The following SKIL variants were observed in gnomAD, a reference collection of about 807,000 sequenced individuals.
SKIL encodes the protein SKI like proto-oncogene.
Under a neutral mutation model 69.6 loss-of-function variants are expected in SKIL, and 20 were observed. The observed-to-expected ratio is 0.29, with a 90% confidence interval of 0.20 to 0.42. The LOEUF (loss-of-function observed/expected upper bound fraction) is 0.42. Among genes scored for constraint, SKIL ranks in the 10% least tolerant of loss-of-function variants. SKIL has a pLI of 1.00. For synonymous variants in SKIL, 310 were observed against 279.9 expected, an observed-to-expected ratio of 1.11 and a Z score of -1.08; for missense variants, 745 against 783.1, an observed-to-expected ratio of 0.95 and a Z score of 0.58.
chr3:170,367,232 CT>C (rs979529949), intron 2 of SKIL, among the ~76,000 whole-genome samples: 4 of 152,000 alleles, frequency 2.6e-5, no homozygotes. Context: ...CCTCAGCCCC[CT>C]GAGTAGCTGG....
chr3:170,370,439 G>GCC (rs34185518), intron 2 of SKIL, among the ~76,000 whole-genome samples: 1 of 11,198 alleles, frequency 8.9e-5, no homozygotes, highest in Non-Finnish European at 1.7e-4. Flanking sequence ...GAGAGAGAGA[G>GCC]CCCCCCCCCC....
chr3:170,380,408 T>C (rs988352228), intron 2 of SKIL, among the ~76,000 whole-genome samples: 1 of 152,108 alleles, frequency 6.6e-6, no homozygotes, highest in Admixed American at 6.5e-5. Context: ...TTTGGGAGGC[T>C]GAGGAGCAGG....
At chr3:170,378,553 CTTT>C (rs373084445) in intron 2 of SKIL, among the ~76,000 whole-genome samples, 2,023 of 119,000 alleles carry the variant, frequency 0.017, 46 homozygotes, top group Non-Finnish European at 0.025. Context: ...CTCTCTCTCT[CTTT>C]TTTTTTTTTT....
Position 170,360,567 on chromosome 3 carries a change from CTT to C in SKIL, c.238_239del (p.Leu80AlafsTer17), listed in dbSNP as rs754186981. 1 of 1,614,242 alleles carries C rather than the reference CTT, an allele frequency of 6.2e-7. No homozygotes were observed. Among genetic ancestry groups the C allele is most frequent in the Non-Finnish European group, 8.5e-7 (1 of 1,180,052 alleles). On this transcript the variant is annotated frameshift_variant, in exon 2 of 7. Transcript: ENST00000259119. LOFTEE classifies it high-confidence loss of function. ...CGAACCTGTACTTCTGTTCCTGAAA[CTT>C]TGCATTTAAATCCCAGTTTGAAACA...
rs1430223130 is a variant in SKIL at position 170,392,870 on chromosome 3, T to C, written c.*453T>C. On this transcript the variant is annotated 3_prime_UTR_variant, in exon 7 of 7. Transcript: ENST00000259119. ...ATCTCCCCTTTTCTCATTAACACAA[T>C]TTTTCTAAGTTGATATGGTGTACTC... The C allele has an allele frequency of 6.6e-6, 1 of 152,492 alleles. No individual in the cohort carries two copies. Among genetic ancestry groups the C allele is most frequent in the Non-Finnish European group, 1.5e-5 (1 of 68,272 alleles). 9.4% of individuals were successfully genotyped at this position (152,492 alleles called of 1,614,324 possible). A position where few individuals can be genotyped will look rare whatever the true frequency, so the allele number is the denominator to read the frequency against.
chr3:170,360,208 C>A lies in SKIL; in HGVS notation c.-124C>A. ...AATTTATTAATTTAAGGGGCTCTCG[C>A]TTTGAAAGTTTGAGAGTAAGTTACG... On this transcript the variant is annotated 5_prime_UTR_variant, in exon 2 of 7. Coordinates refer to ENST00000259119, the MANE Select transcript of SKIL (RefSeq NM_005414.5). The A allele has an allele frequency of 1.0e-6, 1 of 968,370 alleles. No individual in the cohort carries two copies. Among genetic ancestry groups the A allele is most frequent in the Non-Finnish European group, 1.5e-6 (1 of 662,382 alleles). The allele number at this position is 968,370 out of a possible 1,614,324, so 60.0% of individuals were successfully genotyped here. A position where few individuals can be genotyped will look rare whatever the true frequency, so the allele number is the denominator to read the frequency against.
intron 2 of SKIL, among the ~76,000 whole-genome samples, chr3:170,376,445 C>T (rs918260191): frequency 2.6e-5 from 4 of 152,066 alleles, no homozygotes; most frequent in African/African-American, 7.2e-5. Context: ...AAATGTTCTA[C>T]CCGTTAAGCT....
chr3:170,380,719 T>C (rs1036650172), intron 2 of SKIL, among the ~76,000 whole-genome samples: 1 of 152,174 alleles, frequency 6.6e-6, no homozygotes, highest in African/African-American at 2.4e-5. Flanking sequence ...TGGTACTCCA[T>C]GTTAGCATGC....
rs1425576875 is a variant in SKIL at position 170,395,780 on chromosome 3, T to C, written c.*3363T>C. On this transcript the variant is annotated 3_prime_UTR_variant, in exon 7 of 7. Coordinates refer to ENST00000259119, the MANE Select transcript of SKIL (RefSeq NM_005414.5). ...CACATGATAGGACATTAAAAATTAA[T>C]ATAAAGAAAAATCGTGCTCATACTG... The C allele has an allele frequency of 6.6e-6, 1 of 152,100 alleles. No homozygotes were observed. The highest frequency in any genetic ancestry group is 6.5e-5 in the Admixed American group (1 of 15,278). The allele number at this position is 152,100 out of a possible 1,614,324, so 9.4% of individuals were successfully genotyped here. A position where few individuals can be genotyped will look rare whatever the true frequency, so the allele number is the denominator to read the frequency against.
At chr3:170,365,632 T>C (rs1736461523) in intron 2 of SKIL, among the ~76,000 whole-genome samples, 1 of 152,162 alleles carries the variant, frequency 6.6e-6, no homozygotes, top group Non-Finnish European at 1.5e-5. Flanking sequence ...GGTATTTAAC[T>C]GAGAATGAGA....
At position 170,359,814 on chromosome 3, in the gene SKIL, AC is replaced by A. The variant is rs1339645301; in HGVS notation, c.-516del. On this transcript the variant is annotated 5_prime_UTR_variant, in exon 2 of 7. Transcript: ENST00000259119. ...ACACGTCTTCAGTTTTTCAGCACAG[AC>A]CAGCAGACCATCATTTTTAGAGGAA... The A allele has an allele frequency of 6.5e-6, 1 of 153,086 alleles. No homozygotes were observed. 9.5% of individuals were successfully genotyped at this position (153,086 alleles called of 1,614,324 possible).
At position 170,392,657 on chromosome 3, in the gene SKIL, A is replaced by G. The variant is rs1294281483; in HGVS notation, c.*240A>G. ...AAAAAATCAGCTTAGTAACAATACTATATGGTTTCAACTAGTAGGTAATCT... is the reference window on the plus strand; with the variant it reads ...AAAAAATCAGCTTAGTAACAATACTGTATGGTTTCAACTAGTAGGTAATCT... On this transcript the variant is annotated 3_prime_UTR_variant, in exon 7 of 7. Transcript: ENST00000259119. The G allele has an allele frequency of 2.3e-5, 6 of 263,256 alleles. No individual in the cohort carries two copies. The highest frequency in any genetic ancestry group is 1.4e-4 in the East Asian group (2 of 14,716). The allele number at this position is 263,256 out of a possible 1,614,324, so 16.3% of individuals were successfully genotyped here. A position where few individuals can be genotyped will look rare whatever the true frequency, so the allele number is the denominator to read the frequency against.
intron 2 of SKIL, among the ~76,000 whole-genome samples, chr3:170,369,274 AAAAC>A (rs142915761): frequency 0.024 from 3,711 of 152,302 alleles, 67 homozygotes; most frequent in Non-Finnish European, 0.038. Flanking sequence ...TTAAAGAAGA[AAAAC>A]AAAAAAGAGA....
chr3:170,390,460 A>G lies in SKIL; in HGVS notation c.1667A>G (p.Gln556Arg). The G allele has an allele frequency of 2.5e-6, 4 of 1,607,926 alleles. No homozygotes were observed. Among genetic ancestry groups the G allele is most frequent in the Non-Finnish European group, 3.4e-6 (4 of 1,174,696 alleles). ...NLILQKKQQL[Q>R]MEVKMLSSSK... ...ATTTTGCAAAAGAAGCAACAACTTC[A>G]GATGGTAAAATTGTTATCTAAATGA... is the stretch of plus-strand genomic sequence containing the variant. The change falls in exon 5 of 7, where the codon CAG becomes CGG. Residue 556 changes from glutamine to arginine, a missense_variant. Coordinates refer to ENST00000259119, the MANE Select transcript of SKIL (RefSeq NM_005414.5).
intron 2 of SKIL, among the ~76,000 whole-genome samples, chr3:170,367,101 T>TTTTG (rs374010874): frequency 1.3e-5 from 2 of 152,178 alleles, no homozygotes; most frequent in African/African-American, 2.4e-5. Flanking sequence ...TCTTCACTTT[T>TTTTG]TTTGTTTGTT....
chr3:170,381,210 T>G (rs746080534), intron 2 of SKIL, 34 bp from the exon 3 acceptor site: 3 of 1,161,266 alleles, frequency 2.6e-6, no homozygotes, highest in Non-Finnish European at 3.9e-6. Flanking sequence ...CAGTTTTACT[T>G]CAATAAATGT....
chr3:170,365,752 C>CTTTTTTTTTTTTTTTTTTTT (rs59222162), intron 2 of SKIL, among the ~76,000 whole-genome samples: 15 of 106,436 alleles, frequency 1.4e-4, no homozygotes, highest in African/African-American at 3.2e-4. Context: ...TCAAACTAGG[C>CTTTTTTTTTTTTTTTTTTTT]TTTTTTTTTT....
At chr3:170,385,991 C>T (rs1275326445) in intron 4 of SKIL, among the ~76,000 whole-genome samples, 1 of 151,618 alleles carries the variant, frequency 6.6e-6, no homozygotes, top group African/African-American at 2.4e-5. Context: ...GGGTTTTCTC[C>T]ATGTTGGTCA....
In SKIL at chr3:170,381,344, G is replaced by A. The variant is rs780154173; in HGVS notation, c.1196+3G>A. 2.8e-6 allele frequency: 4 copies of A among 1,423,482 alleles called. No homozygotes were observed. The Admixed American group carries it at 6.7e-5, about 24-fold the overall frequency. 88.2% of individuals were successfully genotyped at this position (1,423,482 alleles called of 1,614,324 possible). On this transcript the variant is annotated splice_donor_region_variant and intron_variant, in intron 3 of 6. Transcript: ENST00000259119. ...ACACATTCATTTTTACACCCCAGGT[G>A]AGTTGGTATTTATTTGTTCGTTTGT...
Sources: allele counts gnomAD v4.1 joint callset (sites outside exome capture counted in the v4.1 genomes callset), GRCh38; gene constraint gnomAD v4.1.1; transcripts MANE v1.5; gene names NCBI Gene and HGNC (gene_info 2026-07-23, HGNC 2026-07-21).